The following AP3B1 variants were observed in gnomAD, a reference collection of about 807,000 sequenced individuals.
AP3B1 encodes AP-3 complex subunit beta-1.
A neutral mutation model predicts 132.5 loss-of-function variants in AP3B1; 61 were observed. That is an observed-to-expected ratio of 0.46 (90% CI 0.37 to 0.57). The LOEUF is 0.57. Ranked by LOEUF, AP3B1 falls within the 20% of genes least tolerant of loss-of-function variation. The probability of loss-of-function intolerance (pLI) is 0.00; values close to 1 mark genes in which losing one functional copy is unlikely to be tolerated. For synonymous variants in AP3B1, 388 were observed against 438.3 expected, an observed-to-expected ratio of 0.89 and a Z score of 1.43; for missense variants, 1,120 against 1,289.4, an observed-to-expected ratio of 0.87 and a Z score of 2.01.
intron 7 of AP3B1, among the ~76,000 whole-genome samples, chr5:78,183,585 C>A (rs1055012613): frequency 6.6e-6 from 1 of 152,142 alleles, no homozygotes; most frequent in Non-Finnish European, 1.5e-5. Context: ...ATTATAAAGT[C>A]TAGACTGGGT....
chr5:78,233,963 A>G (rs1005566816), intron 3 of AP3B1, among the ~76,000 whole-genome samples: 14 of 152,130 alleles, frequency 9.2e-5, no homozygotes, highest in Non-Finnish European at 1.6e-4. Flanking sequence ...CCTAGGAAAA[A>G]AATTATATTT....
chr5:78,195,171 T>C (rs1467778771), intron 7 of AP3B1, among the ~76,000 whole-genome samples: 1 of 152,018 alleles, frequency 6.6e-6, no homozygotes, highest in Non-Finnish European at 1.5e-5. Flanking sequence ...TCAATAGAAA[T>C]GAAATTATAT....
intron 1 of AP3B1, among the ~76,000 whole-genome samples, chr5:78,270,422 T>A (rs1321237899): frequency 1.3e-5 from 2 of 152,126 alleles, no homozygotes; most frequent in African/African-American, 4.8e-5. Flanking sequence ...CAGGAAATCA[T>A]GGACTGGAAA....
At chr5:78,191,441 T>G (rs1744829385) in intron 7 of AP3B1, among the ~76,000 whole-genome samples, 1 of 150,144 alleles carries the variant, frequency 6.7e-6, no homozygotes, top group Non-Finnish European at 1.5e-5. Context: ...TTTCAGCAGG[T>G]TAACAAAAAT....
chr5:78,122,244 A>T (rs1395647431), intron 17 of AP3B1, among the ~76,000 whole-genome samples: 19 of 152,202 alleles, frequency 1.2e-4, no homozygotes, highest in Admixed American at 2.0e-4. Context: ...AATATCATAC[A>T]GCATGGGCAA....
In AP3B1 at chr5:78,164,711, C is replaced by T. The variant is rs376975303; in HGVS notation, c.1230+899G>A. ...TACACAACATAAAAGTGGAGTAATC[C>T]AGGTATGAAAATATAAATTATGGAC... On this transcript the variant is annotated intron_variant, in intron 12 of 26. Transcript: ENST00000255194. Among the ~76,000 whole-genome samples the T allele has an allele frequency of 2.0e-5, 3 of 151,812 alleles. No homozygotes were observed. In the East Asian group the frequency reaches 5.8e-4, roughly 29 times the overall value.
chr5:78,044,321 C>A (rs544546515), intron 22 of AP3B1, among the ~76,000 whole-genome samples: 11 of 152,190 alleles, frequency 7.2e-5, no homozygotes, highest in Non-Finnish European at 1.2e-4. Flanking sequence ...TGATAATCAA[C>A]CTTAAATATA....
At chr5:78,034,869 T>C (rs1005855851) in intron 23 of AP3B1, among the ~76,000 whole-genome samples, 7 of 151,858 alleles carry the variant, frequency 4.6e-5, no homozygotes, top group Non-Finnish European at 7.4e-5. Flanking sequence ...AAAAGTAAAT[T>C]TTAAACAATG....
At chr5:78,090,375 A>G (rs557980479) in intron 21 of AP3B1, among the ~76,000 whole-genome samples, 1 of 152,318 alleles carries the variant, frequency 6.6e-6, no homozygotes, top group South Asian at 2.1e-4. Flanking sequence ...CTTATCTCCA[A>G]TTTCAGCATT....
intron 3 of AP3B1, among the ~76,000 whole-genome samples, chr5:78,229,861 G>T (rs954601468): frequency 3.9e-5 from 6 of 152,142 alleles, no homozygotes; most frequent in African/African-American, 1.4e-4. Flanking sequence ...TACTATACTG[G>T]ATCATATTTC....
At position 78,141,518 on chromosome 5, in the gene AP3B1, G is replaced by A. The variant is rs2052477; in HGVS notation, c.1474-199C>T. Among the ~76,000 whole-genome samples, 36,770 of 151,936 alleles carry A rather than the reference G, an allele frequency of 0.24. 4,713 individuals are homozygous for A. The highest frequency in any genetic ancestry group is 0.32 in the African/African-American group (13,072 of 41,440). Reference sequence around the variant, plus strand: ...AGGAAATCTCATTAAAATTGATTTCGAAGAGAATATCTTAGAAAATATTCA... The same window carrying A: ...AGGAAATCTCATTAAAATTGATTTCAAAGAGAATATCTTAGAAAATATTCA... On this transcript the variant is annotated intron_variant, in intron 14 of 26. Transcript: ENST00000255194.
intron 17 of AP3B1, among the ~76,000 whole-genome samples, chr5:78,125,803 G>A (rs1752430597): frequency 6.6e-6 from 1 of 151,998 alleles, no homozygotes; most frequent in Non-Finnish European, 1.5e-5. Context: ...CTGTTGAATT[G>A]GACAGGTGAA....
chr5:78,166,598 A>C (rs978883853), intron 11 of AP3B1, among the ~76,000 whole-genome samples: 6 of 152,136 alleles, frequency 3.9e-5, no homozygotes, highest in Admixed American at 3.3e-4. Flanking sequence ...ATTTAGTCTT[A>C]AGAAAATCAC....
chr5:78,117,938 GT>G (rs1196804300), intron 17 of AP3B1, among the ~76,000 whole-genome samples: 1 of 152,090 alleles, frequency 6.6e-6, no homozygotes, highest in Non-Finnish European at 1.5e-5. Context: ...GTACCTTTGA[GT>G]TTTTCCTATG....
At chr5:78,178,975 A>G (rs936059360) in intron 8 of AP3B1, among the ~76,000 whole-genome samples, 12 of 152,180 alleles carry the variant, frequency 7.9e-5, no homozygotes, top group African/African-American at 2.9e-4. Flanking sequence ...CATTTCTTGT[A>G]CTTTCTTACA....
rs141431136 is a variant in AP3B1, at chr5:78,039,830, C to T, written c.2578-556G>A. On this transcript the variant is annotated intron_variant, in intron 22 of 26. Transcript: ENST00000255194. Reference sequence around the variant, plus strand: ...AAAAAAAAAGAAATTTTTCTGTAACCTCCAAGCATATATTAATATTACAAA... The same window carrying T: ...AAAAAAAAAGAAATTTTTCTGTAACTTCCAAGCATATATTAATATTACAAA... Among the ~76,000 whole-genome samples, 1,477 of 149,946 alleles carry T rather than the reference C, an allele frequency of 9.9e-3. 19 individuals are homozygous for T. Among genetic ancestry groups the T allele is most frequent in the South Asian group, 0.019 (90 of 4,782 alleles).
At chr5:78,267,421 T>C (rs1362249543) in intron 2 of AP3B1, 99 bp downstream of exon 2, 2 of 502,018 alleles carry the variant, frequency 4.0e-6, no homozygotes, top group Non-Finnish European at 6.5e-6. Flanking sequence ...AAACAGAATA[T>C]TAGACTTGGT....
chr5:78,241,161 T>A (rs1225806600), intron 2 of AP3B1, among the ~76,000 whole-genome samples: 1 of 151,882 alleles, frequency 6.6e-6, no homozygotes. Flanking sequence ...GATATATATT[T>A]AAATATTTTA....
chr5:78,029,124 A>C (rs1179999833), intron 24 of AP3B1, among the ~76,000 whole-genome samples: 1 of 152,188 alleles, frequency 6.6e-6, no homozygotes, highest in Admixed American at 6.5e-5. Flanking sequence ...ACCTGTATGT[A>C]TCTATACCTA....
Sources: allele counts gnomAD v4.1 joint callset (sites outside exome capture counted in the v4.1 genomes callset), GRCh38; gene constraint gnomAD v4.1.1; transcripts MANE v1.5; gene names NCBI Gene and HGNC (gene_info 2026-07-23, HGNC 2026-07-21).